The following MLIP variants were observed in gnomAD, a reference collection of about 807,000 sequenced individuals.
MLIP encodes muscular LMNA-interacting protein.
Under a neutral mutation model 84.8 loss-of-function variants are expected in MLIP, and 79 were observed. The ratio of observed to expected loss-of-function variants is 0.93; its 90% CI spans 0.78 to 1.12. The LOEUF (loss-of-function observed/expected upper bound fraction) is 1.12, where lower values mean the gene tolerates loss of function less well. Among genes scored for constraint, MLIP ranks in the 50% most tolerant of loss-of-function variants. The pLI is 0.00. For missense variants in MLIP, 1,257 were observed against 1,160.6 expected (o/e 1.08, Z -1.21); for synonymous variants, 504 against 463.0 (o/e 1.09, Z -1.14).
Position 54,169,560 on chromosome 6 carries a change from A to G in MLIP, c.2532A>G (p.Arg844=), listed in dbSNP as rs1388774734. The stretch of plus-strand genomic sequence containing the variant: ...CAACTCTTCCAAGAGCAGCTGGTCG[A>G]GAAACCAAATATGTAAGTACCTTTA... ...TPTTLPRAAG[R]ETKYANLSSP... The change falls in exon 9 of 14, where the codon CGA becomes CGG. Residue 844 remains arginine, a synonymous_variant. Coordinates refer to ENST00000502396, the MANE Select transcript of MLIP (RefSeq NM_001281747.2). 3.1e-6 allele frequency: 5 copies of G among 1,590,276 alleles called. No homozygotes were observed. Among genetic ancestry groups the G allele is most frequent in the Non-Finnish European group, 4.3e-6 (5 of 1,167,788 alleles).
At chr6:54,033,503 A>G (rs1764257256) in intron 1 of MLIP, among the ~76,000 whole-genome samples, 1 of 151,788 alleles carries the variant, frequency 6.6e-6, no homozygotes. Context: ...CTGGCTTCGT[A>G]ATCCACCCGC....
Position 54,197,690 on chromosome 6 carries a change from T to C in MLIP, c.2590-4415T>C, listed in dbSNP as rs60911295. On this transcript the variant is annotated intron_variant, in intron 10 of 13. Transcript: ENST00000502396. ...TTTTTCTGGCATCATTAGACGGCCA[T>C]TTGCACCTATCAATCATGAGTCTGA... is the stretch of plus-strand genomic sequence containing the variant. 5.5e-3 allele frequency among the ~76,000 whole-genome samples: 838 copies of C among 152,212 alleles called. 11 individuals are homozygous for C. Among genetic ancestry groups the C allele is most frequent in the African/African-American group, 0.018 (742 of 41,544 alleles).
intron 1 of MLIP, among the ~76,000 whole-genome samples, chr6:54,104,946 A>T (rs1768904896): frequency 6.6e-6 from 1 of 152,196 alleles, no homozygotes; most frequent in Admixed American, 6.5e-5. Context: ...GATATGGAAT[A>T]TACCAATTCC....
intron 1 of MLIP, among the ~76,000 whole-genome samples, chr6:54,114,015 C>A (rs1769696322): frequency 6.6e-6 from 1 of 152,178 alleles, no homozygotes. Flanking sequence ...TATATTTGGA[C>A]TGGTTCCTCA....
chr6:54,200,184 T>G (rs1252107303), intron 10 of MLIP, among the ~76,000 whole-genome samples: 1 of 152,126 alleles, frequency 6.6e-6, no homozygotes, highest in African/African-American at 2.4e-5. Flanking sequence ...AGACAGATGA[T>G]CTGAGTGGAA....
chr6:54,071,336 A>T (rs1766473518), intron 1 of MLIP, among the ~76,000 whole-genome samples: 1 of 152,152 alleles, frequency 6.6e-6, no homozygotes, highest in Admixed American at 6.5e-5. Context: ...AAAGAAAAAA[A>T]AACAAAGTTA....
Position 54,087,925 on chromosome 6 carries a change from G to C in MLIP, c.64-33522G>C, listed in dbSNP as rs189066795. On this transcript the variant is annotated intron_variant, in intron 1 of 12. Transcript: ENST00000274897. ...TGAAGAGCCTAAAGCTCTACCTGGG[G>C]AATGTGTCCAGAGGGAGAACACCTG... 3.1e-3 allele frequency among the ~76,000 whole-genome samples: 467 copies of C among 152,068 alleles called. 3 individuals are homozygous for C. The highest frequency in any genetic ancestry group is 3.2e-3 in the Non-Finnish European group (217 of 67,988).
At chr6:54,099,353 T>G (rs903490038) in intron 1 of MLIP, among the ~76,000 whole-genome samples, 2 of 152,150 alleles carry the variant, frequency 1.3e-5, no homozygotes, top group African/African-American at 4.8e-5. Flanking sequence ...GCAAAACATT[T>G]TAATAACTAT....
rs1223426398 is a variant in MLIP at position 54,252,035 on chromosome 6, A to G, written c.2923-5273A>G. On this transcript the variant is annotated intron_variant, in intron 12 of 13. Transcript: ENST00000502396. ...ATATAATATAAATATATATATTATAACATATAATATATAATATAAATATAT... is the reference window on the plus strand; with the variant it reads ...ATATAATATAAATATATATATTATAGCATATAATATATAATATAAATATAT... 6.2e-3 allele frequency among the ~76,000 whole-genome samples: 571 copies of G among 91,500 alleles called. 14 individuals are homozygous for G. Among genetic ancestry groups the G allele is most frequent in the African/African-American group, 0.026 (538 of 20,374 alleles). The allele number at this position is 91,500 out of a possible 152,430, so 60.0% of individuals were successfully genotyped here. A position where few individuals can be genotyped will look rare whatever the true frequency, so the allele number is the denominator to read the frequency against.
At chr6:54,251,532 T>C (rs1488477656) in intron 12 of MLIP, among the ~76,000 whole-genome samples, 1 of 107,178 alleles carries the variant, frequency 9.3e-6, no homozygotes, top group Non-Finnish European at 1.7e-5. Context: ...AAACACAGTA[T>C]ATATAATATA....
In MLIP at chr6:54,136,859, C is replaced by T. The variant is rs1771842352; in HGVS notation, c.790C>T (p.Leu264=). ...CCTAGAGGAGTTCCACACTAGGAGG[C>T]TGGATGTCGGTGGGGCCGTGGTGGA... is the stretch of plus-strand genomic sequence containing the variant. ...SVLEEFHTRR[L]DVGGAVVEES... The change falls in exon 4 of 14, where the codon CTG becomes TTG. Residue 264 remains leucine, a synonymous_variant. Coordinates refer to ENST00000502396, the MANE Select transcript of MLIP (RefSeq NM_001281747.2). 2.0e-6 allele frequency: 3 copies of T among 1,535,118 alleles called. No homozygotes were observed. The highest frequency in any genetic ancestry group is 1.4e-5 in the African/African-American group (1 of 73,026).
At chr6:54,233,477 CT>C (rs1781150513) in intron 12 of MLIP, among the ~76,000 whole-genome samples, 1 of 152,110 alleles carries the variant, frequency 6.6e-6, no homozygotes, top group Non-Finnish European at 1.5e-5. Flanking sequence ...TGGTTTCCAG[CT>C]TCATCCATGT....
chr6:54,107,853 G>A (rs1769128670), upstream of MLIP, among the ~76,000 whole-genome samples: 1 of 152,180 alleles, frequency 6.6e-6, no homozygotes, highest in Non-Finnish European at 1.5e-5. Flanking sequence ...GGTACCTTCT[G>A]TTATCAAGCC....
intron 1 of MLIP, among the ~76,000 whole-genome samples, chr6:54,034,262 CT>C (rs1311020280): frequency 6.6e-6 from 1 of 152,146 alleles, no homozygotes; most frequent in African/African-American, 2.4e-5. Context: ...CATGAAACCC[CT>C]GATAATCACT....
At chr6:54,049,671 C>T (rs1765266171) in intron 1 of MLIP, among the ~76,000 whole-genome samples, 1 of 152,162 alleles carries the variant, frequency 6.6e-6, no homozygotes, top group Non-Finnish European at 1.5e-5. Flanking sequence ...CTAAACACCA[C>T]TACTTACCCC....
chr6:54,099,779 A>G (rs1768504692), intron 1 of MLIP, among the ~76,000 whole-genome samples: 1 of 152,204 alleles, frequency 6.6e-6, no homozygotes, highest in African/African-American at 2.4e-5. Context: ...TAATTAGAAC[A>G]GGCAGATTTG....
intron 9 of MLIP, among the ~76,000 whole-genome samples, chr6:54,178,838 G>A (rs1776567567): frequency 6.6e-6 from 1 of 152,142 alleles, no homozygotes; most frequent in South Asian, 2.1e-4. Context: ...AATGATCCAT[G>A]TGCTAAGGAG....
chr6:54,061,726 T>C (rs1444429370), intron 1 of MLIP, among the ~76,000 whole-genome samples: 1 of 152,160 alleles, frequency 6.6e-6, no homozygotes, highest in Non-Finnish European at 1.5e-5. Flanking sequence ...ACTGAAGAAT[T>C]AGTGTAAACC....
chr6:54,068,090 T>TCCTTCCTTCCTTCCTTCC (rs1561905261), intron 1 of MLIP, among the ~76,000 whole-genome samples: 2 of 76,796 alleles, frequency 2.6e-5, no homozygotes, highest in Non-Finnish European at 4.0e-5. Context: ...CTTCCTTCTT[T>TCCTTCCTTCCTTCCTTCC]TTCTCTCTCC....
Sources: allele counts gnomAD v4.1 joint callset (sites outside exome capture counted in the v4.1 genomes callset), GRCh38; gene constraint gnomAD v4.1.1; transcripts MANE v1.5; gene names NCBI Gene and HGNC (gene_info 2026-07-23, HGNC 2026-07-21).